The following RFXANK variants were observed in gnomAD, a reference collection of about 807,000 sequenced individuals.
The protein encoded by RFXANK is DNA-binding protein RFXANK.
Under a neutral mutation model 34.5 loss-of-function variants are expected in RFXANK, and 19 were observed. The ratio of observed to expected loss-of-function variants is 0.55; its 90% confidence interval spans 0.38 to 0.81. RFXANK has a LOEUF of 0.81. Among genes scored for constraint, RFXANK ranks in the 30% least tolerant of loss-of-function variants. The pLI, the probability that RFXANK is intolerant of heterozygous loss-of-function variation, is 0.00. For synonymous variants in RFXANK, 154 were observed against 149.8 expected (o/e 1.03, Z -0.20); for missense variants, 295 against 343.5 (o/e 0.86, Z 1.12).
rs924654241 is a variant in RFXANK at position 19,194,034 on chromosome 19, G to C, written c.88G>C (p.Glu30Gln). Reference sequence around the variant, plus strand: ...TGGGGACCCTGAAGACCCCGGAGAGGAGGCTGCAGATGGCTCAGACACTGT... The same window carrying C: ...TGGGGACCCTGAAGACCCCGGAGAGCAGGCTGCAGATGGCTCAGACACTGT... ...ELGDPEDPGE[E>Q]AADGSDTVVL... The change falls in exon 3 of 10, where the codon GAG becomes CAG. Residue 30 changes from glutamate to glutamine, a missense_variant. Coordinates refer to ENST00000303088, the MANE Select transcript of RFXANK (RefSeq NM_003721.4). The C allele has an allele frequency of 6.2e-7, 1 of 1,614,052 alleles. No homozygotes were observed. Among genetic ancestry groups the C allele is most frequent in the African/African-American group, 1.3e-5 (1 of 74,920 alleles).
In RFXANK at chr19:19,201,391, A is replaced by T. The variant is rs918154382; in HGVS notation, c.713-258A>T. 3.0e-6 allele frequency: 4 copies of T among 1,315,808 alleles called. No homozygotes were observed. The African/African-American group carries it at 5.9e-5, about 19-fold the overall frequency. The allele number at this position is 1,315,808 out of a possible 1,614,324, so 81.5% of individuals were successfully genotyped here. ...CCATGCCCAGGCTCATCTTTTCATG[A>T]AAGTCACAATTCACACATTTTGCTT... is the stretch of plus-strand genomic sequence containing the variant. On this transcript the variant is annotated intron_variant, in intron 9 of 9. Coordinates refer to ENST00000303088, the MANE Select transcript of RFXANK (RefSeq NM_003721.4).
intron 8 of RFXANK, 45 bp downstream of exon 8, chr19:19,198,768 C>A: frequency 1.3e-6 from 2 of 1,584,608 alleles, no homozygotes; most frequent in Non-Finnish European, 1.7e-6. Flanking sequence ...AGCACTCCAG[C>A]GGGCCCTGCG....
At chr19:19,196,908 G>A in intron 3 of RFXANK, 55 bp from the exon 4 acceptor site, 3 of 1,486,994 alleles carry the variant, frequency 2.0e-6, no homozygotes, top group Non-Finnish European at 2.8e-6. Context: ...CTTCTGTCCT[G>A]AAGCCTCAGA....
In RFXANK at chr19:19,197,509, T is replaced by G. The variant is rs755162983; in HGVS notation, c.338-12T>G. The G allele has an allele frequency of 6.2e-7, 1 of 1,612,868 alleles. No individual in the cohort carries two copies. The highest frequency in any genetic ancestry group is 8.5e-7 in the Non-Finnish European group (1 of 1,179,676). On this transcript the variant is annotated splice_polypyrimidine_tract_variant and intron_variant, in intron 5 of 9. Coordinates refer to ENST00000303088, the MANE Select transcript of RFXANK (RefSeq NM_003721.4). ...GTGCAGCCTGGTGGTATTGCCCGCC[T>G]CCTCCTGCCAGGTGACAACCTCGTC...
At chr19:19,194,192 CT>C in intron 3 of RFXANK, 59 bp downstream of exon 3, 1 of 1,521,970 alleles carries the variant, frequency 6.6e-7, no homozygotes, top group Admixed American at 1.7e-5. Context: ...AATGTCAGGC[CT>C]CACATGGAAC....
At chr19:19,199,924 C>G (rs1409620154) in intron 9 of RFXANK, among the ~76,000 whole-genome samples, 8 of 152,140 alleles carry the variant, frequency 5.3e-5, no homozygotes, top group Non-Finnish European at 4.4e-5. Context: ...GAAATATCCC[C>G]CTCCTTCCTT....
At chr19:19,194,485 C>G (rs1471610030) in intron 3 of RFXANK, among the ~76,000 whole-genome samples, 2 of 152,176 alleles carry the variant, frequency 1.3e-5, no homozygotes, top group African/African-American at 4.8e-5. Flanking sequence ...ATCCGCCCAC[C>G]TCGGCCTCCC....
rs372111384 is a variant in RFXANK at position 19,198,201 on chromosome 19, A to C, written c.533A>C (p.Glu178Ala). 85 of 1,614,152 alleles carry C rather than the reference A, an allele frequency of 5.3e-5. No individual in the cohort carries two copies. The highest frequency in any genetic ancestry group is 6.8e-5 in the Non-Finnish European group (80 of 1,180,038). Reference sequence around the variant, plus strand: ...ACAGACATTGTGGGGCTGCTGCTGGAGCGTGACGTGGACATCAACATCTAT... The same window carrying C: ...ACAGACATTGTGGGGCTGCTGCTGGCGCGTGACGTGGACATCAACATCTAT... ...GYTDIVGLLL[E>A]RDVDINIYDW... The change falls in exon 7 of 10, where the codon GAG becomes GCG. Residue 178 changes from glutamate (E) to alanine (A), a missense_variant. Coordinates refer to ENST00000303088, the MANE Select transcript of RFXANK (RefSeq NM_003721.4).
chr19:19,201,065 C>T (rs2060706031), intron 9 of RFXANK, among the ~76,000 whole-genome samples: 4 of 152,234 alleles, frequency 2.6e-5, no homozygotes, highest in Admixed American at 2.6e-4. Flanking sequence ...TCCCAAAGTG[C>T]TGGGATTACA....
chr19:19,201,551 CCCTGTTTGT>C (rs1171013480), intron 9 of RFXANK, 89 bp from the exon 10 acceptor site: 1 of 1,606,634 alleles, frequency 6.2e-7, no homozygotes, highest in Admixed American at 1.7e-5. Flanking sequence ...CTGCAAGGGT[CCCTGTTTGT>C]CCCCTAAGGG....
rs770534492 is a variant in RFXANK, at chr19:19,198,563, G to GCTCATCCA, written c.565-94_565-93insCTCATCCA. 889 of 1,431,810 alleles carry GCTCATCCA rather than the reference G, an allele frequency of 6.2e-4. 2 individuals are homozygous for GCTCATCCA. The highest frequency in any genetic ancestry group is 7.3e-4 in the Non-Finnish European group (753 of 1,028,904). The allele number at this position is 1,431,810 out of a possible 1,614,324, so 88.7% of individuals were successfully genotyped here. ...GAGATGGGCCCAGTGATGAGCAGGA[G>GCTCATCCA]GAACCACGTTCAACTGGAGGCCAGA... On this transcript the variant is annotated intron_variant, in intron 7 of 9. Coordinates refer to ENST00000303088, the MANE Select transcript of RFXANK (RefSeq NM_003721.4).
rs958713996 is a variant in RFXANK at position 19,197,124 on chromosome 19, G to C, written c.272-62G>C. 4 of 1,612,008 alleles carry C rather than the reference G, an allele frequency of 2.5e-6. No homozygotes were observed. In the Admixed American group the frequency reaches 6.7e-5, roughly 27 times the overall value. ...CTGTGAGGAGCAATCGTGGACAGAGGGTAAACTGAGGCACAGAGAAGCAAG... is the reference window on the plus strand; with the variant it reads ...CTGTGAGGAGCAATCGTGGACAGAGCGTAAACTGAGGCACAGAGAAGCAAG... On this transcript the variant is annotated intron_variant, in intron 4 of 9. Coordinates refer to ENST00000303088, the MANE Select transcript of RFXANK (RefSeq NM_003721.4).
At chr19:19,195,978 G>A (rs1418248234) in intron 3 of RFXANK, among the ~76,000 whole-genome samples, 2 of 151,824 alleles carry the variant, frequency 1.3e-5, no homozygotes, top group Admixed American at 1.3e-4. Flanking sequence ...CTGACCTCAG[G>A]TGATCCACCC....
Position 19,197,052 on chromosome 19 carries a change from T to C in RFXANK, c.271+6T>C. The C allele has an allele frequency of 6.2e-7, 1 of 1,613,276 alleles. No individual in the cohort carries two copies. Among genetic ancestry groups the C allele is most frequent in the Non-Finnish European group, 8.5e-7 (1 of 1,179,908 alleles). ...TCTGCCGGCCACCCTAGACTGTGAG[T>C]GGGCCCACGGTCCCCAACAAGGAGA... On this transcript the variant is annotated splice_donor_region_variant and intron_variant, in intron 4 of 9. Transcript: ENST00000303088.
intron 3 of RFXANK, among the ~76,000 whole-genome samples, chr19:19,196,430 G>A (rs1312666214): frequency 6.6e-6 from 1 of 151,884 alleles, no homozygotes; most frequent in African/African-American, 2.4e-5. Flanking sequence ...GCTGGGTATG[G>A]TGGCACCTGT....
In RFXANK at chr19:19,197,546, C is replaced by G; in HGVS notation, c.363C>G (p.Asp121Glu). The G allele has an allele frequency of 1.2e-6, 2 of 1,613,918 alleles. No individual in the cohort carries two copies. Among genetic ancestry groups the G allele is most frequent in the East Asian group, 2.2e-5 (1 of 44,882 alleles). Reference sequence around the variant, plus strand: ...GTGACAACCTCGTCAACAAGCCAGACGAGCGCGGCTTCACCCCCCTCATCT... The same window carrying G: ...GTGACAACCTCGTCAACAAGCCAGAGGAGCGCGGCTTCACCCCCCTCATCT... The part of the protein sequence containing the change: ...RKGDNLVNKP[D>E]ERGFTPLIWA... Residue 121 changes from aspartate to glutamate, a missense_variant, in exon 6 of 10, where the codon GAC (aspartate) becomes GAG (glutamate). By Grantham distance (45) the Asp-to-Glu change is conservative (BLOSUM62 2). Transcript: ENST00000303088.
intron 4 of RFXANK, 24 bp from the exon 5 acceptor site, chr19:19,197,162 G>A (rs970632166): frequency 6.2e-7 from 1 of 1,613,732 alleles, no homozygotes; most frequent in African/African-American, 1.3e-5. Flanking sequence ...GATGAGTGAG[G>A]ACTCTGCCTC....
intron 9 of RFXANK, among the ~76,000 whole-genome samples, chr19:19,199,518 A>G (rs1321447518): frequency 2.6e-5 from 4 of 152,142 alleles, no homozygotes; most frequent in African/African-American, 9.7e-5. Flanking sequence ...AAAGAGCCCC[A>G]AAGTGGCCAA....
chr19:19,197,321 AC>A, intron 5 of RFXANK, 70 bp downstream of exon 5: 2 of 1,497,636 alleles, frequency 1.3e-6, no homozygotes, highest in Non-Finnish European at 1.9e-6. Context: ...GTCCATACCC[AC>A]TCATGACGTG....
Sources: allele counts gnomAD v4.1 joint callset (sites outside exome capture counted in the v4.1 genomes callset), GRCh38; gene constraint gnomAD v4.1.1; transcripts MANE v1.5; gene names NCBI Gene and HGNC (gene_info 2026-07-23, HGNC 2026-07-21).